STAB2: variants seen among roughly 807,000 people sequenced by gnomAD.
The protein encoded by STAB2 is stabilin-2.
In STAB2, 288 loss-of-function variants were observed where a neutral mutation model predicts 338.1. The ratio of observed to expected loss-of-function variants is 0.85; its 90% CI spans 0.77 to 0.94. The LOEUF (loss-of-function observed/expected upper bound fraction) is 0.94. Among genes scored for constraint, STAB2 ranks in the 40% least tolerant of loss-of-function variants. STAB2 has a pLI of 0.00. For missense variants in STAB2, 3,141 were observed against 3,210.1 expected, an observed-to-expected ratio of 0.98 and a Z score of 0.52; for synonymous variants, 1,202 against 1,193.3, an observed-to-expected ratio of 1.01 and a Z score of -0.15.
At chr12:103,587,615 C>A in intron 1 of STAB2, 58 bp downstream of exon 1, 3 of 1,444,278 alleles carry the variant, frequency 2.1e-6, no homozygotes, top group East Asian at 2.3e-5. Flanking sequence ...TGTTCAAAAG[C>A]TTGTCGTTTT....
chr12:103,675,816 G>A (rs1004458093), intron 23 of STAB2, 112 bp from the exon 24 acceptor site: 24 of 754,184 alleles, frequency 3.2e-5, no homozygotes, highest in Non-Finnish European at 4.3e-5. Context: ...TCCTCCACAG[G>A]AGCAAAGGAT....
chr12:103,716,027 GAA>G lies in STAB2; in HGVS notation c.4611+141_4611+142del, dbSNP rs1056949016. ...AAATAAATACTTTAGGGGAAATTCT[GAA>G]AGAATCAAGAGGCCCTTCTTTGGGA... On this transcript the variant is annotated intron_variant, in intron 43 of 68. Transcript: ENST00000388887. The G allele has an allele frequency of 8.3e-6, 8 of 966,584 alleles. No homozygotes were observed. The African/African-American group carries it at 1.3e-4, about 16-fold the overall frequency. 59.9% of individuals were successfully genotyped at this position (966,584 alleles called of 1,614,324 possible). A position where few individuals can be genotyped will look rare whatever the true frequency, so the allele number is the denominator to read the frequency against.
intron 56 of STAB2, among the ~76,000 whole-genome samples, chr12:103,744,020 G>A (rs2139133388): frequency 6.6e-6 from 1 of 152,322 alleles, no homozygotes; most frequent in Non-Finnish European, 1.5e-5. Flanking sequence ...TAGGAGAACA[G>A]GCACAGAAGC....
chr12:103,738,700 A>C (rs569648130), intron 53 of STAB2, among the ~76,000 whole-genome samples: 1 of 152,328 alleles, frequency 6.6e-6, no homozygotes. Context: ...TCTGAAGATC[A>C]AATAGCAAGA....
rs773347559 is a variant in STAB2, at chr12:103,759,195, C to T, written c.7170C>T (p.Asp2390=). ...LANVSMFFYN[D]LVNGTTLQTR... is the part of the protein sequence containing the mutation. Reference sequence around the variant, plus strand: ...ATGTCAGCATGTTTTTCTACAATGACCTTGTCAATGGCACCACCCTGCAAA... The same window carrying T: ...ATGTCAGCATGTTTTTCTACAATGATCTTGTCAATGGCACCACCCTGCAAA... The change falls in exon 65 of 69, where the codon GAC becomes GAT. Residue 2390 remains aspartate, a synonymous_variant. Coordinates refer to ENST00000388887, the MANE Select transcript of STAB2 (RefSeq NM_017564.10). The T allele has an allele frequency of 4.3e-6, 7 of 1,614,058 alleles. No individual in the cohort carries two copies. The South Asian group carries it at 7.7e-5, about 18-fold the overall frequency.
At chr12:103,587,721 C>T (rs1593111897) in intron 1 of STAB2, among the ~76,000 whole-genome samples, 164 bp downstream of exon 1, 1 of 152,184 alleles carries the variant, frequency 6.6e-6, no homozygotes, top group African/African-American at 2.4e-5. Context: ...ACCATCTTTC[C>T]GAAGGTGTGC....
intron 30 of STAB2, 28 bp downstream of exon 30, chr12:103,690,566 C>T (rs1256012815): frequency 1.3e-6 from 2 of 1,580,134 alleles, no homozygotes; most frequent in African/African-American, 2.7e-5. Flanking sequence ...TGTCTGTTTA[C>T]TTGAAACATA....
At chr12:103,644,619 A>T (rs1165363044) in intron 9 of STAB2, among the ~76,000 whole-genome samples, 1 of 152,174 alleles carries the variant, frequency 6.6e-6, no homozygotes, top group Admixed American at 6.5e-5. Context: ...TCAATCCCCA[A>T]CTAGAATATA....
At chr12:103,729,674 G>A (rs1881480432) in intron 48 of STAB2, among the ~76,000 whole-genome samples, 1 of 152,138 alleles carries the variant, frequency 6.6e-6, no homozygotes, top group Non-Finnish European at 1.5e-5. Context: ...AACTGCTTTT[G>A]GTAGCATTAG....
chr12:103,705,944 G>A (rs1879312063), intron 37 of STAB2, among the ~76,000 whole-genome samples: 1 of 152,140 alleles, frequency 6.6e-6, no homozygotes, highest in South Asian at 2.1e-4. Flanking sequence ...ATTCAATTCA[G>A]TTTCATGATG....
chr12:103,677,300 T>C (rs1276536388), intron 24 of STAB2, among the ~76,000 whole-genome samples, 153 bp from the exon 25 acceptor site: 2 of 152,226 alleles, frequency 1.3e-5, no homozygotes, highest in African/African-American at 4.8e-5. Context: ...TGACCTAATC[T>C]TTTCATGAAT....
rs1163344597 is a variant in STAB2, at chr12:103,688,084, G to A, written c.2998-84G>A. 4 of 1,356,534 alleles carry A rather than the reference G, an allele frequency of 2.9e-6. No homozygotes were observed. The African/African-American group carries it at 5.7e-5, about 19-fold the overall frequency. The allele number at this position is 1,356,534 out of a possible 1,614,324, so 84.0% of individuals were successfully genotyped here. A position where few individuals can be genotyped will look rare whatever the true frequency, so the allele number is the denominator to read the frequency against. On this transcript the variant is annotated intron_variant, in intron 27 of 68. Coordinates refer to ENST00000388887, the MANE Select transcript of STAB2 (RefSeq NM_017564.10). ...GAAGGCTGAGTGCAGGTGACCCAGA[G>A]ATGCACTGTGATTGCACTTCTCATT...
chr12:103,752,432 G>T (rs763043120), intron 60 of STAB2, among the ~76,000 whole-genome samples: 18 of 152,198 alleles, frequency 1.2e-4, no homozygotes, highest in Non-Finnish European at 2.1e-4. Flanking sequence ...CATTTTTGTG[G>T]CATTATACAA....
intron 24 of STAB2, 42 bp downstream of exon 24, chr12:103,676,063 T>TTTC: frequency 7.6e-7 from 1 of 1,318,740 alleles, no homozygotes; most frequent in Non-Finnish European, 1.0e-6. Flanking sequence ...GGTTTCTTTT[T>TTTC]TTTTTTTTTT....
At chr12:103,721,474 G>A (rs752576460) in intron 44 of STAB2, among the ~76,000 whole-genome samples, 9 of 152,194 alleles carry the variant, frequency 5.9e-5, no homozygotes, top group Non-Finnish European at 1.3e-4. Flanking sequence ...ATGCTGTGGA[G>A]CTTATATTTT....
chr12:103,599,842 T>G (rs1956928952), intron 3 of STAB2, among the ~76,000 whole-genome samples: 1 of 152,228 alleles, frequency 6.6e-6, no homozygotes, highest in Admixed American at 6.5e-5. Context: ...CATTTCTGTC[T>G]TTTGTGTTTC....
intron 40 of STAB2, 90 bp from the exon 41 acceptor site, chr12:103,712,277 C>T: frequency 2.0e-6 from 2 of 999,720 alleles, no homozygotes; most frequent in Non-Finnish European, 3.2e-6. Flanking sequence ...GGGCAGGGGC[C>T]AGGATACTGA....
chr12:103,668,299 T>G (rs1875359315), intron 19 of STAB2, among the ~76,000 whole-genome samples: 1 of 152,140 alleles, frequency 6.6e-6, no homozygotes, highest in Non-Finnish European at 1.5e-5. Flanking sequence ...CTGTAGGAGA[T>G]CTTAGGGATG....
At chr12:103,730,414 A>AC (rs1881543476) in intron 49 of STAB2, among the ~76,000 whole-genome samples, 158 bp downstream of exon 49, 1 of 152,254 alleles carries the variant, frequency 6.6e-6, no homozygotes, top group South Asian at 2.1e-4. Flanking sequence ...GTAAGAAATA[A>AC]ATAAGTAAAA....
Sources: gnomAD v4.1 joint callset for allele counts (sites outside exome capture counted in the v4.1 genomes callset) on GRCh38, gnomAD v4.1.1 for gene constraint, MANE v1.5 for transcripts, NCBI Gene and HGNC (gene_info 2026-07-23, HGNC 2026-07-21) for gene names.